DDAH1: variants seen among roughly 807,000 people sequenced by gnomAD.
DDAH1 encodes N(G),N(G)-dimethylarginine dimethylaminohydrolase 1.
In DDAH1, 19 loss-of-function variants were observed where a neutral mutation model predicts 28.8. The observed-to-expected ratio is 0.66, with a 90% CI of 0.46 to 0.97. The LOEUF is 0.97. Among genes scored for constraint, DDAH1 ranks in the 50% least tolerant of loss-of-function variants. DDAH1 has a pLI of 0.00. For missense variants in DDAH1, 326 were observed against 375.9 expected (o/e 0.87, Z 1.10); for synonymous variants, 153 against 154.4 (o/e 0.99, Z 0.07).
chr1:85,397,932 G>A (rs746914200), intron 1 of DDAH1, among the ~76,000 whole-genome samples: 1 of 151,952 alleles, frequency 6.6e-6, no homozygotes, highest in Non-Finnish European at 1.5e-5. Flanking sequence ...CGGAAGTTGA[G>A]GAGATGCTGG....
chr1:85,450,507 TATC>T (rs1229006924), intron 1 of DDAH1, among the ~76,000 whole-genome samples: 1 of 152,194 alleles, frequency 6.6e-6, no homozygotes, highest in Non-Finnish European at 1.5e-5. Flanking sequence ...CAATCCGATA[TATC>T]ATCAAGAATA....
At chr1:85,341,008 T>C (rs1648442143) in intron 4 of DDAH1, among the ~76,000 whole-genome samples, 1 of 152,246 alleles carries the variant, frequency 6.6e-6, no homozygotes, top group Non-Finnish European at 1.5e-5. Flanking sequence ...GCACTCAGAC[T>C]TTGAGTCCTG....
At chr1:85,463,391 T>C (rs771645727) in intron 1 of DDAH1, among the ~76,000 whole-genome samples, 1 of 152,222 alleles carries the variant, frequency 6.6e-6, no homozygotes, top group Non-Finnish European at 1.5e-5. Flanking sequence ...CTCTTTTAAG[T>C]TCAAACCATA....
intron 1 of DDAH1, among the ~76,000 whole-genome samples, chr1:85,397,461 G>A (rs903462983): frequency 3.3e-5 from 5 of 152,112 alleles, no homozygotes; most frequent in Non-Finnish European, 5.9e-5. Flanking sequence ...TAAGGAAAAA[G>A]TAAGGGTTTT....
At chr1:85,345,002 G>T (rs1648753955) in intron 4 of DDAH1, among the ~76,000 whole-genome samples, 1 of 152,106 alleles carries the variant, frequency 6.6e-6, no homozygotes, top group African/African-American at 2.4e-5. Context: ...TTCCAACAAT[G>T]TAACATATAT....
At chr1:85,437,763 A>G (rs1400870481) in intron 1 of DDAH1, among the ~76,000 whole-genome samples, 4 of 152,234 alleles carry the variant, frequency 2.6e-5, no homozygotes, top group African/African-American at 9.6e-5. Flanking sequence ...TAAAATTTTA[A>G]TAAACACATA....
upstream of DDAH1, among the ~76,000 whole-genome samples, chr1:85,467,961 G>A (rs1377761955): frequency 6.6e-6 from 1 of 152,232 alleles, no homozygotes; most frequent in Non-Finnish European, 1.5e-5. Context: ...GTAAGGGAAA[G>A]AGAGATCTAT....
At chr1:85,411,502 G>C (rs1422665896) in intron 1 of DDAH1, among the ~76,000 whole-genome samples, 1 of 151,578 alleles carries the variant, frequency 6.6e-6, no homozygotes, top group Non-Finnish European at 1.5e-5. Flanking sequence ...CTGTCCTTCT[G>C]TCTTCTACAC....
intron 1 of DDAH1, among the ~76,000 whole-genome samples, chr1:85,570,694 G>A (rs1659430052): frequency 6.6e-6 from 1 of 152,144 alleles, no homozygotes; most frequent in Non-Finnish European, 1.5e-5. Context: ...CACCATGCCT[G>A]TTCTCTGATC....
intron 1 of DDAH1, chr1:85,496,288 A>C: frequency 1.2e-6 from 1 of 843,844 alleles, no homozygotes; most frequent in Non-Finnish European, 1.4e-6. Flanking sequence ...GAAACTGCAA[A>C]TGGAGAAATA....
At chr1:85,390,473 A>G (rs781390387) in intron 1 of DDAH1, among the ~76,000 whole-genome samples, 1 of 152,180 alleles carries the variant, frequency 6.6e-6, no homozygotes, top group Non-Finnish European at 1.5e-5. Flanking sequence ...GACCTCCAGG[A>G]AAGGGAAGGG....
chr1:85,374,584 T>C (rs1266021077), intron 1 of DDAH1, among the ~76,000 whole-genome samples: 2 of 152,090 alleles, frequency 1.3e-5, no homozygotes, highest in East Asian at 3.8e-4. Flanking sequence ...AAAGTATAGA[T>C]AAGTCAAATA....
At chr1:85,427,846 A>G (rs1309733034) in intron 1 of DDAH1, among the ~76,000 whole-genome samples, 1 of 152,092 alleles carries the variant, frequency 6.6e-6, no homozygotes, top group Non-Finnish European at 1.5e-5. Flanking sequence ...CTAATGAACT[A>G]GCTCCGCAAA....
chr1:85,423,479 G>T (rs12727954), intron 1 of DDAH1, among the ~76,000 whole-genome samples: 104 of 152,102 alleles, frequency 6.8e-4, no homozygotes, highest in Non-Finnish European at 8.2e-4. Flanking sequence ...TTTATATGTA[G>T]GCATTTTTCC....
chr1:85,493,818 T>C (rs1656485985), intron 2 of DDAH1: 1 of 152,236 alleles, frequency 6.6e-6, no homozygotes, highest in Non-Finnish European at 1.5e-5. Flanking sequence ...AATTGATTGA[T>C]GAAATCTTAG....
rs556193731 is a variant in DDAH1 at position 85,346,762 on chromosome 1, C to T, written c.597+3653G>A. ...GTTAGTTAGCAATTAATAATTGCCC[C>T]ATTAGATCTAATTAAATGAAGGAGC... is the stretch of plus-strand genomic sequence containing the variant. On this transcript the variant is annotated intron_variant, in intron 4 of 5. Transcript: ENST00000284031. 2.6e-5 allele frequency among the ~76,000 whole-genome samples: 4 copies of T among 152,146 alleles called. No homozygotes were observed. The East Asian group carries it at 7.7e-4, about 29-fold the overall frequency.
At chr1:85,412,172 C>T (rs1652681164) in intron 1 of DDAH1, among the ~76,000 whole-genome samples, 1 of 152,230 alleles carries the variant, frequency 6.6e-6, no homozygotes, top group African/African-American at 2.4e-5. Context: ...GCAATAGTCT[C>T]TTGTTTACTA....
chr1:85,538,490 A>G lies in DDAH1; in HGVS notation c.-123+39494T>C, dbSNP rs1451427526. On this transcript the variant is annotated intron_variant, in intron 1 of 6. Coordinates refer to the DDAH1 transcript ENST00000426972. Reference sequence around the variant, plus strand: ...CTAAAAGGGGAACACCCGGGGGCCTACCTCAATGATTTGCCCAGGTGGGCT... The same window carrying G: ...CTAAAAGGGGAACACCCGGGGGCCTGCCTCAATGATTTGCCCAGGTGGGCT... 1.8e-4 allele frequency among the ~76,000 whole-genome samples: 28 copies of G among 152,280 alleles called. 1 individual carries two copies. The highest frequency in any genetic ancestry group is 6.5e-4 in the African/African-American group (27 of 41,544).
At chr1:85,473,886 A>T (rs1459355905) in intron 2 of DDAH1, among the ~76,000 whole-genome samples, 1 of 151,900 alleles carries the variant, frequency 6.6e-6, no homozygotes, top group Admixed American at 6.6e-5. Context: ...CTTCAAATAC[A>T]CCCCAGTGCC....
Sources: gnomAD v4.1 joint callset for allele counts (sites outside exome capture counted in the v4.1 genomes callset) on GRCh38, gnomAD v4.1.1 for gene constraint, MANE v1.5 for transcripts, NCBI Gene and HGNC (gene_info 2026-07-23, HGNC 2026-07-21) for gene names.